The following XKR9 variants were observed in gnomAD, a reference collection of about 807,000 sequenced individuals.
XKR9 encodes XK-related protein 9.
In XKR9, 32 loss-of-function variants were observed where a neutral mutation model predicts 32.0. The ratio of observed to expected loss-of-function variants is 1.00; its 90% CI spans 0.76 to 1.34. The LOEUF (loss-of-function observed/expected upper bound fraction) is 1.34. Among genes scored for constraint, XKR9 ranks in the 40% most tolerant of loss-of-function variants. The pLI is 0.00. For synonymous variants in XKR9, 168 were observed against 143.4 expected, an observed-to-expected ratio of 1.17 and a Z score of -1.22; for missense variants, 546 against 429.7, an observed-to-expected ratio of 1.27 and a Z score of -2.39.
At chr8:70,671,092 C>T (rs1288639004) in intron 1 of XKR9, among the ~76,000 whole-genome samples, 1 of 152,200 alleles carries the variant, frequency 6.6e-6, no homozygotes. Context: ...AGTGCAGTGG[C>T]ACTATCATAG....
At chr8:70,891,056 A>T in the XKR9 span, among the ~76,000 whole-genome samples, 7 of 151,942 alleles carry the variant, frequency 4.6e-5, no homozygotes, top group East Asian at 1.3e-3. Flanking sequence ...AACCATTTCC[A>T]TTAGGTTTTT....
chr8:71,036,674 G>A, the XKR9 span, among the ~76,000 whole-genome samples: 3 of 152,054 alleles, frequency 2.0e-5, no homozygotes, highest in South Asian at 4.1e-4. Context: ...ACAATGGATG[G>A]TATGCAGGTG....
chr8:70,736,356 T>G (rs1238927382), downstream of XKR9, among the ~76,000 whole-genome samples: 2 of 152,042 alleles, frequency 1.3e-5, no homozygotes, highest in Admixed American at 1.3e-4. Context: ...CATTGTAGAT[T>G]CTGGATATTA....
intron 2 of XKR9, among the ~76,000 whole-genome samples, chr8:70,749,644 G>C (rs531822075): frequency 6.6e-6 from 1 of 152,320 alleles, no homozygotes; most frequent in Non-Finnish European, 1.5e-5. Context: ...TCTGTGCCTG[G>C]CTCACCCTTG....
chr8:70,986,758 A>G, the XKR9 span, among the ~76,000 whole-genome samples: 1 of 152,352 alleles, frequency 6.6e-6, no homozygotes, highest in African/African-American at 2.4e-5. Context: ...TAAAAAGTAG[A>G]TCAAACTCCA....
the XKR9 span, among the ~76,000 whole-genome samples, chr8:71,025,442 T>A: frequency 6.6e-6 from 1 of 152,250 alleles, no homozygotes; most frequent in Non-Finnish European, 1.5e-5. Context: ...ACTTGAATAT[T>A]TCTTTGCAAA....
the XKR9 span, among the ~76,000 whole-genome samples, chr8:70,804,731 G>C: frequency 1.3e-5 from 2 of 152,142 alleles, no homozygotes; most frequent in Admixed American, 6.5e-5. Flanking sequence ...AATTTTGCTG[G>C]TATTGAAGCT....
chr8:71,042,346 G>A, the XKR9 span, among the ~76,000 whole-genome samples: 4 of 152,072 alleles, frequency 2.6e-5, no homozygotes, highest in African/African-American at 9.7e-5. Context: ...TCTCAGAGGG[G>A]GCAGTAGAGT....
At chr8:70,973,573 ACT>A in the XKR9 span, among the ~76,000 whole-genome samples, 2 of 152,044 alleles carry the variant, frequency 1.3e-5, no homozygotes, top group Non-Finnish European at 2.9e-5. Context: ...GCACTTTCAG[ACT>A]TTTTAATGTA....
chr8:71,013,579 G>A, the XKR9 span, among the ~76,000 whole-genome samples: 7 of 152,202 alleles, frequency 4.6e-5, no homozygotes, highest in Non-Finnish European at 1.0e-4. Context: ...AGGAGCCTTA[G>A]AAGAGGATGA....
rs1368498605 is a variant in XKR9, at chr8:70,719,077, G to GT, written c.493+11932dup. ...TTTGTCTAATGACCAGTTATGATGAGTTTTTTTTCATATGTTTGTTGGCCA... is the reference window on the plus strand; with the variant it reads ...TTTGTCTAATGACCAGTTATGATGAGTTTTTTTTTCATATGTTTGTTGGCCA... On this transcript the variant is annotated intron_variant, in intron 4 of 4. Coordinates refer to ENST00000408926, the MANE Select transcript of XKR9 (RefSeq NM_001011720.2). Among the ~76,000 whole-genome samples the GT allele has an allele frequency of 5.9e-5, 9 of 151,878 alleles. No homozygotes were observed. In the South Asian group the frequency reaches 1.0e-3, roughly 18 times the overall value.
chr8:70,948,811 C>T, the XKR9 span, among the ~76,000 whole-genome samples: 1 of 152,120 alleles, frequency 6.6e-6, no homozygotes, highest in African/African-American at 2.4e-5. Context: ...CCCAATTTGT[C>T]CATTAGTGGA....
chr8:70,766,550 A>C (rs1807378449), intron 2 of XKR9, among the ~76,000 whole-genome samples: 1 of 152,166 alleles, frequency 6.6e-6, no homozygotes, highest in African/African-American at 2.4e-5. Flanking sequence ...AAACACAGAC[A>C]ATTTGACTTC....
the XKR9 span, among the ~76,000 whole-genome samples, chr8:70,956,076 T>A: frequency 2.6e-5 from 4 of 152,132 alleles, no homozygotes; most frequent in Admixed American, 2.6e-4. Context: ...CTCCTTCTCA[T>A]CGCTTGCAAC....
At chr8:70,990,056 C>G in the XKR9 span, among the ~76,000 whole-genome samples, 2 of 152,194 alleles carry the variant, frequency 1.3e-5, no homozygotes, top group Non-Finnish European at 1.5e-5. Flanking sequence ...ATCCTTGACT[C>G]TTAGCCCTGT....
At chr8:70,817,113 A>T in the XKR9 span, among the ~76,000 whole-genome samples, 2 of 152,170 alleles carry the variant, frequency 1.3e-5, no homozygotes, top group East Asian at 3.8e-4. Flanking sequence ...ATAACATCGT[A>T]CTGGAAGTTC....
the XKR9 span, among the ~76,000 whole-genome samples, chr8:70,869,356 A>G: frequency 3.3e-5 from 5 of 152,232 alleles, no homozygotes; most frequent in Admixed American, 6.5e-5. Context: ...AGGCCTCATT[A>G]TCATGGCAGA....
At chr8:71,018,598 T>A in the XKR9 span, among the ~76,000 whole-genome samples, 3 of 152,304 alleles carry the variant, frequency 2.0e-5, no homozygotes, top group African/African-American at 7.2e-5. Flanking sequence ...GGCCTGGATA[T>A]ATTTGATTTC....
chr8:70,785,735 CTCTCTA>C (rs1348560302), intron 2 of XKR9, among the ~76,000 whole-genome samples: 105 of 113,116 alleles, frequency 9.3e-4, no homozygotes, highest in African/African-American at 2.8e-3. Flanking sequence ...CTCTCTCTCT[CTCTCTA>C]TATATATATA....
Sources: allele counts gnomAD v4.1 joint callset (sites outside exome capture counted in the v4.1 genomes callset), GRCh38; gene constraint gnomAD v4.1.1; transcripts MANE v1.5; gene names NCBI Gene and HGNC (gene_info 2026-07-23, HGNC 2026-07-21).